SLC18A2: variants seen among roughly 807,000 people sequenced by gnomAD.
SLC18A2 encodes synaptic vesicular amine transporter.
Under a neutral mutation model 59.2 loss-of-function variants are expected in SLC18A2, and 33 were observed. The observed-to-expected ratio is 0.56, with a 90% CI of 0.42 to 0.75. The LOEUF (loss-of-function observed/expected upper bound fraction) is 0.75, where lower values mean the gene tolerates loss of function less well. Ranked by LOEUF, SLC18A2 falls within the 30% of genes least tolerant of loss-of-function variation. The probability of loss-of-function intolerance (pLI) is 0.00; values close to 1 mark genes in which losing one functional copy is unlikely to be tolerated. For missense variants in SLC18A2, 569 were observed against 668.6 expected (o/e 0.85, Z 1.64); for synonymous variants, 228 against 253.5 (o/e 0.90, Z 0.95).
intron 15 of SLC18A2, among the ~76,000 whole-genome samples, chr10:117,271,624 G>T (rs559611615): frequency 1.9e-4 from 29 of 152,304 alleles, no homozygotes; most frequent in African/African-American, 7.0e-4. Context: ...GGAAGGTGCT[G>T]TGGAAATAAC....
chr10:117,243,886 G>A (rs1227403120), intron 2 of SLC18A2, 85 bp from the exon 3 acceptor site: 15 of 1,132,918 alleles, frequency 1.3e-5, no homozygotes, highest in Middle Eastern at 2.9e-4. Context: ...GCTCCCTGCC[G>A]ACACAACCAT....
At chr10:117,272,938 C>G (rs183708342) in intron 15 of SLC18A2, among the ~76,000 whole-genome samples, 1 of 152,144 alleles carries the variant, frequency 6.6e-6, no homozygotes, top group South Asian at 2.1e-4. Context: ...GAATCAATGA[C>G]CATGCAGTTG....
chr10:117,247,553 G>A (rs182242679), intron 3 of SLC18A2, among the ~76,000 whole-genome samples: 2 of 152,208 alleles, frequency 1.3e-5, no homozygotes, highest in Non-Finnish European at 2.9e-5. Context: ...CTCAAAATCT[G>A]TCTTTCTTGC....
rs1844410103 is a variant in SLC18A2 at position 117,270,234 on chromosome 10, T to C, written c.1306+44T>C. ...CATAAGAACCTTTTACCTCAATACG[T>C]AATGGATAACGTCTACTAAAATTGT... is the stretch of plus-strand genomic sequence containing the variant. On this transcript the variant is annotated intron_variant, in intron 14 of 15. Transcript: ENST00000644641. 3.7e-6 allele frequency: 6 copies of C among 1,613,526 alleles called. No homozygotes were observed. The East Asian group carries it at 1.3e-4, about 36-fold the overall frequency.
chr10:117,241,685 C>G lies in SLC18A2; in HGVS notation c.-9C>G, dbSNP rs756636786. On this transcript the variant is annotated 5_prime_UTR_variant, in exon 2 of 16. Coordinates refer to ENST00000644641, the MANE Select transcript of SLC18A2 (RefSeq NM_003054.6). ...CCGCGCACCGCGCCCGCAGCGGAGC[C>G]CCGGAGCCATGGCCCTGAGCGAGCT... 6 of 1,577,936 alleles carry G rather than the reference C, an allele frequency of 3.8e-6. No individual in the cohort carries two copies. The East Asian group carries it at 1.4e-4, about 37-fold the overall frequency.
Position 117,266,710 on chromosome 10 carries a change from G to T in SLC18A2, c.992-23G>T, listed in dbSNP as rs363265. The T allele has an allele frequency of 2.3e-3, 3,646 of 1,557,728 alleles. 65 individuals are homozygous for T. In the African/African-American group the frequency reaches 0.043, roughly 18 times the overall value. Reference sequence around the variant, plus strand: ...TATGACTGATATCAGCACTGATAAGGTCTCCTTTTCATAAATTTACAGGCG... The same window carrying T: ...TATGACTGATATCAGCACTGATAAGTTCTCCTTTTCATAAATTTACAGGCG... On this transcript the variant is annotated intron_variant, in intron 10 of 15. Transcript: ENST00000644641.
At chr10:117,256,382 A>G (rs1844230675) in intron 9 of SLC18A2, among the ~76,000 whole-genome samples, 1 of 152,118 alleles carries the variant, frequency 6.6e-6, no homozygotes, top group Non-Finnish European at 1.5e-5. Flanking sequence ...TACCAAGGTA[A>G]GCAGACCCTT....
intron 10 of SLC18A2, among the ~76,000 whole-genome samples, chr10:117,259,956 G>A (rs363251): frequency 0.54 from 82,118 of 152,026 alleles, 23,208 homozygotes; most frequent in East Asian, 0.63. Flanking sequence ...TGAGCGTTAG[G>A]CTCCCTACTT....
At chr10:117,252,083 C>T (rs1844167445) in intron 3 of SLC18A2, among the ~76,000 whole-genome samples, 2 of 151,168 alleles carry the variant, frequency 1.3e-5, no homozygotes, top group East Asian at 3.9e-4. Flanking sequence ...CTCAGCCTCC[C>T]AAGTAGTTGG....
At chr10:117,241,583 C>T in intron 1 of SLC18A2, 96 bp from the exon 2 acceptor site, 2 of 1,292,744 alleles carry the variant, frequency 1.5e-6, no homozygotes, top group East Asian at 3.1e-5. Context: ...GATGCCGGTG[C>T]GCGCGGCTCC....
chr10:117,268,363 C>T (rs1318052598), intron 13 of SLC18A2: 1 of 152,272 alleles, frequency 6.6e-6, no homozygotes, highest in Non-Finnish European at 1.5e-5. Flanking sequence ...CACAGCATGG[C>T]TTTCACTGAG....
At position 117,270,168 on chromosome 10, in the gene SLC18A2, A is replaced by G. The variant is rs757549163; in HGVS notation, c.1284A>G (p.Ala428=). The part of the protein sequence containing the change: ...YGSVYAIADV[A]FCMGYAIGPS... ...GTGTGTACGCCATTGCGGATGTGGC[A>G]TTTTGTATGGGGTATGCTATAGGTA... Residue 428 remains alanine (A), a synonymous_variant, in exon 14 of 16, where the codon GCA becomes GCG. Transcript: ENST00000644641. 1.5e-5 allele frequency: 24 copies of G among 1,614,134 alleles called. No homozygotes were observed. Among genetic ancestry groups the G allele is most frequent in the Middle Eastern group, 1.6e-4 (1 of 6,084 alleles).
chr10:117,255,718 C>T, intron 9 of SLC18A2, 61 bp downstream of exon 9: 4 of 1,506,318 alleles, frequency 2.7e-6, no homozygotes, highest in Non-Finnish European at 1.8e-6. Flanking sequence ...GTGCTGGAGG[C>T]AGGGGTGGAT....
chr10:117,255,721 G>T, intron 9 of SLC18A2, 64 bp downstream of exon 9: 2 of 1,478,496 alleles, frequency 1.4e-6, no homozygotes, highest in Non-Finnish European at 1.9e-6. Context: ...CTGGAGGCAG[G>T]GGTGGATGGC....
Position 117,274,388 on chromosome 10 carries a change from G to A in SLC18A2, c.1441-2774G>A, listed in dbSNP as rs549081278. On this transcript the variant is annotated intron_variant, in intron 15 of 15. Coordinates refer to ENST00000644641, the MANE Select transcript of SLC18A2 (RefSeq NM_003054.6). ...TTCCTGCAGTGCAGTTTTTTGTTGC[G>A]TTCCTATCATGTGCCCAGTCCTAGG... is the stretch of plus-strand genomic sequence containing the variant. 3.4e-4 allele frequency among the ~76,000 whole-genome samples: 51 copies of A among 152,212 alleles called. No individual in the cohort carries two copies. In the Middle Eastern group the frequency reaches 0.01, roughly 30 times the overall value.
chr10:117,263,040 G>C (rs567501234), intron 10 of SLC18A2, among the ~76,000 whole-genome samples: 21 of 152,272 alleles, frequency 1.4e-4, no homozygotes, highest in South Asian at 1.0e-3. Flanking sequence ...GCCTATCACC[G>C]GCGCCAGACG....
rs1443544796 is a variant in SLC18A2 at position 117,277,889 on chromosome 10, TAGAG to T, written c.*628_*631del. On this transcript the variant is annotated 3_prime_UTR_variant, in exon 16 of 16. Transcript: ENST00000644641. ...TTAGTTTTCTATGTAATCACCTACC[TAGAG>T]AGAGTTGTAAATTATATGTTAACAT... 1 of 152,202 alleles carries T rather than the reference TAGAG, an allele frequency of 6.6e-6. No homozygotes were observed. The highest frequency in any genetic ancestry group is 6.5e-5 in the Admixed American group (1 of 15,282). The allele number at this position is 152,202 out of a possible 1,614,324, so 9.4% of individuals were successfully genotyped here. A position where few individuals can be genotyped will look rare whatever the true frequency, so the allele number is the denominator to read the frequency against.
intron 6 of SLC18A2, 91 bp from the exon 7 acceptor site, chr10:117,255,186 G>A (rs1844214418): frequency 4.1e-6 from 5 of 1,231,770 alleles, no homozygotes. Flanking sequence ...GAACAAAGTA[G>A]AGAGAGAAAC....
At chr10:117,250,070 C>T (rs1844144889) in intron 3 of SLC18A2, among the ~76,000 whole-genome samples, 1 of 152,144 alleles carries the variant, frequency 6.6e-6, no homozygotes, top group Admixed American at 6.5e-5. Context: ...TCCTTCTGCC[C>T]ACCACTCAAT....
Sources: allele counts gnomAD v4.1 joint callset (sites outside exome capture counted in the v4.1 genomes callset), GRCh38; gene constraint gnomAD v4.1.1; transcripts MANE v1.5; gene names NCBI Gene and HGNC (gene_info 2026-07-23, HGNC 2026-07-21).